The following TXLNB variants were observed in gnomAD, a reference collection of about 807,000 sequenced individuals.
TXLNB encodes beta-taxilin.
Under a neutral mutation model 57.4 loss-of-function variants are expected in TXLNB, and 37 were observed. That is an observed-to-expected ratio of 0.64 (90% CI 0.50 to 0.85). TXLNB has a LOEUF of 0.85. Ranked by LOEUF, TXLNB falls within the 40% of genes least tolerant of loss-of-function variation. TXLNB has a pLI of 0.00. For synonymous variants in TXLNB, 302 were observed against 309.6 expected, an observed-to-expected ratio of 0.98 and a Z score of 0.26; for missense variants, 848 against 825.6, an observed-to-expected ratio of 1.03 and a Z score of -0.33.
At chr6:139,270,719 T>G in intron 3 of TXLNB, 93 bp from the exon 4 acceptor site, 2 of 1,152,702 alleles carry the variant, frequency 1.7e-6, no homozygotes, top group Non-Finnish European at 2.5e-6. Flanking sequence ...ACTCTGTGGT[T>G]GTTTGGAAAC....
At chr6:139,299,188 G>A in the TXLNB span, among the ~76,000 whole-genome samples, 10,136 of 152,194 alleles carry the variant, frequency 0.067, 378 homozygotes, top group Admixed American at 0.084. Flanking sequence ...TCCTGGGGAG[G>A]GGAGGGATTG....
chr6:139,247,849 C>A lies in TXLNB; in HGVS notation c.1138G>T (p.Val380Leu). 6.2e-7 allele frequency: 1 copy of A among 1,606,214 alleles called. No homozygotes were observed. The highest frequency in any genetic ancestry group is 2.3e-5 in the East Asian group (1 of 44,266). ...FQSTLTKSNE[V>L]FATFKQEMDK... ...ATTTCCTGTTTGAACGTGGCAAACA[C>A]CTCGTTGCTTTTAGTTAGTGTGCTC... is the stretch of plus-strand genomic sequence containing the variant. Residue 380 changes from valine to leucine, a missense_variant, in exon 8 of 10, where the codon GTG becomes TTG. By Grantham distance (32) the Val-to-Leu change is conservative. Transcript: ENST00000358430.
the TXLNB span, among the ~76,000 whole-genome samples, chr6:139,215,266 A>G: frequency 3.1e-4 from 47 of 152,070 alleles, no homozygotes; most frequent in East Asian, 9.1e-3. Context: ...AGATACTGGT[A>G]CCAAAACAGA....
the TXLNB span, among the ~76,000 whole-genome samples, chr6:139,311,007 A>G: frequency 6.6e-6 from 1 of 152,212 alleles, no homozygotes; most frequent in Non-Finnish European, 1.5e-5. Context: ...TTCTGTTTCA[A>G]TACCACACAA....
chr6:139,190,351 C>G, the TXLNB span, among the ~76,000 whole-genome samples: 2 of 140,682 alleles, frequency 1.4e-5, no homozygotes, highest in Admixed American at 7.4e-5. Context: ...GCTTTATTGC[C>G]CAGGCTGGAG....
chr6:139,274,198 T>C (rs1456670923), intron 3 of TXLNB, among the ~76,000 whole-genome samples: 4 of 152,256 alleles, frequency 2.6e-5, no homozygotes, highest in African/African-American at 9.6e-5. Context: ...TGAGCTTATC[T>C]TTATTTATTA....
chr6:139,219,468 A>G, the TXLNB span, among the ~76,000 whole-genome samples: 1 of 152,230 alleles, frequency 6.6e-6, no homozygotes, highest in Non-Finnish European at 1.5e-5. Flanking sequence ...ATCAGCTCAA[A>G]GCAGCCTTTC....
chr6:139,221,340 G>A, the TXLNB span, among the ~76,000 whole-genome samples: 1 of 152,020 alleles, frequency 6.6e-6, no homozygotes, highest in Non-Finnish European at 1.5e-5. Flanking sequence ...AAAGTCTGAA[G>A]CCCAACTTCA....
intron 2 of TXLNB, among the ~76,000 whole-genome samples, chr6:139,287,511 C>G (rs1005307838): frequency 3.9e-5 from 6 of 152,190 alleles, no homozygotes; most frequent in African/African-American, 1.4e-4. Context: ...CTTCCAGAAA[C>G]AAATCATATG....
chr6:139,188,754 C>T, the TXLNB span, among the ~76,000 whole-genome samples: 2 of 149,754 alleles, frequency 1.3e-5, no homozygotes, highest in African/African-American at 5.1e-5. Context: ...ATTTCTTTTT[C>T]TTTCTTTCTT....
chr6:139,272,998 C>G (rs1260677165), intron 3 of TXLNB, among the ~76,000 whole-genome samples: 1 of 151,948 alleles, frequency 6.6e-6, no homozygotes, highest in African/African-American at 2.4e-5. Context: ...CGTGCCATTG[C>G]ACTCCAGCCT....
At chr6:139,232,811 CT>C in the TXLNB span, among the ~76,000 whole-genome samples, 2 of 152,174 alleles carry the variant, frequency 1.3e-5, no homozygotes, top group East Asian at 3.9e-4. Context: ...GACTTTTTCT[CT>C]TGTTTTATTA....
rs2114418754 is a variant in TXLNB at position 139,242,915 on chromosome 6, G to A, written c.1666C>T (p.Leu556=). Residue 556 remains leucine, a synonymous_variant, in exon 10 of 10, where the codon CTG becomes TTG. Transcript: ENST00000358430. ...LIPSRDSESP[L]PPLTPQAEAE... is the part of the protein sequence containing the mutation. ...TCAGCCTGAGGAGTTAGGGGAGGCA[G>A]GGGACTCTCTGAATCCCGTGAAGGG... 1.2e-6 allele frequency: 2 copies of A among 1,614,146 alleles called. No homozygotes were observed. Among genetic ancestry groups the A allele is most frequent in the East Asian group, 2.2e-5 (1 of 44,884 alleles).
intron 1 of TXLNB, among the ~76,000 whole-genome samples, chr6:139,291,659 G>T (rs954335371): frequency 2.0e-5 from 3 of 152,164 alleles, no homozygotes; most frequent in Non-Finnish European, 4.4e-5. Flanking sequence ...ATGTGGCAAA[G>T]AAATTATTTC....
At chr6:139,165,553 C>T in the TXLNB span, among the ~76,000 whole-genome samples, 1 of 151,548 alleles carries the variant, frequency 6.6e-6, no homozygotes, top group Non-Finnish European at 1.5e-5. Flanking sequence ...CTGTGCTTCA[C>T]CTGCTCATCC....
At chr6:139,174,501 T>G in the TXLNB span, 1 of 1,614,120 alleles carries the variant, frequency 6.2e-7, no homozygotes, top group Non-Finnish European at 8.5e-7. Flanking sequence ...GGGCACTATG[T>G]ACACCTACGA....
chr6:139,250,018 T>G (rs1287106212), intron 7 of TXLNB, among the ~76,000 whole-genome samples: 1 of 151,980 alleles, frequency 6.6e-6, no homozygotes, highest in Non-Finnish European at 1.5e-5. Flanking sequence ...CTGTGGTTTT[T>G]TTTTTCTTTC....
chr6:139,176,933 TC>T, the TXLNB span: 1 of 867,016 alleles, frequency 1.2e-6, no homozygotes, highest in Non-Finnish European at 2.0e-6. The surrounding 1 kb of genome is among the most constrained non-coding windows in gnomAD (Gnocchi z 4.5). Flanking sequence ...GGTGTCTGTT[TC>T]CCCCAGGCCC....
the TXLNB span, among the ~76,000 whole-genome samples, chr6:139,214,568 A>C: frequency 1.1e-4 from 17 of 152,292 alleles, 1 homozygote; most frequent in African/African-American, 1.7e-4. Context: ...AAAACTGGCA[A>C]AAGACAGGGA....
Sources: allele counts gnomAD v4.1 joint callset (sites outside exome capture counted in the v4.1 genomes callset), GRCh38; gene constraint gnomAD v4.1.1; non-coding constraint Gnocchi (gnomAD v3.1); transcripts MANE v1.5; gene names NCBI Gene and HGNC (gene_info 2026-07-23, HGNC 2026-07-21).